The following GPC6 variants were observed in gnomAD, a reference collection of about 807,000 sequenced individuals.
GPC6 encodes glypican-6.
A neutral mutation model predicts 55.2 loss-of-function variants in GPC6; 14 were observed. The ratio of observed to expected loss-of-function variants is 0.25; its 90% CI spans 0.17 to 0.40. GPC6 has a LOEUF of 0.40. GPC6 is among the 10% of genes least tolerant of loss of function. The pLI is 1.00. For missense variants in GPC6, 641 were observed against 708.5 expected (o/e 0.90, Z 1.08); for synonymous variants, 278 against 259.6 (o/e 1.07, Z -0.68).
At chr13:94,313,880 T>C (rs896724478) in intron 6 of GPC6, among the ~76,000 whole-genome samples, 9 of 152,210 alleles carry the variant, frequency 5.9e-5, no homozygotes, top group African/African-American at 1.9e-4. Flanking sequence ...AGATTTTATA[T>C]CTATTTTATG....
At chr13:93,276,495 AGTGTGTGTGTGTGT>A (rs71675979) in intron 1 of GPC6, among the ~76,000 whole-genome samples, 15 of 94,456 alleles carry the variant, frequency 1.6e-4, no homozygotes, top group Middle Eastern at 6.1e-3. Context: ...AGAGAGAGAG[AGTGTGTGTGTGTGT>A]GTGTGTGTGT....
chr13:93,255,351 C>G (rs1411353684), intron 1 of GPC6, among the ~76,000 whole-genome samples: 1 of 152,136 alleles, frequency 6.6e-6, no homozygotes, highest in Admixed American at 6.5e-5. Context: ...TAGAACCATT[C>G]AAATTCTTCT....
chr13:93,539,593 T>C (rs1162752715), intron 1 of GPC6, among the ~76,000 whole-genome samples: 1 of 152,146 alleles, frequency 6.6e-6, no homozygotes, highest in Non-Finnish European at 1.5e-5. Flanking sequence ...TAATAAGGCA[T>C]TTCAATAAGT....
At chr13:93,416,408 T>C (rs1224246729) in intron 1 of GPC6, among the ~76,000 whole-genome samples, 1 of 152,076 alleles carries the variant, frequency 6.6e-6, no homozygotes, top group Non-Finnish European at 1.5e-5. Flanking sequence ...TGATTTTCGA[T>C]TTTTGTGAAT....
At chr13:94,067,578 T>TATAGATAGATAG (rs5805846) in intron 4 of GPC6, among the ~76,000 whole-genome samples, 38 of 147,682 alleles carry the variant, frequency 2.6e-4, no homozygotes, top group South Asian at 8.7e-4. Flanking sequence ...ATAGATAGAT[T>TATAGATAGATAG]ATAGATAGAT....
At chr13:94,010,444 T>C (rs1046707105) in intron 3 of GPC6, among the ~76,000 whole-genome samples, 1 of 152,180 alleles carries the variant, frequency 6.6e-6, no homozygotes, top group Non-Finnish European at 1.5e-5. Context: ...CTGAATTAAC[T>C]CTTTCAACTT....
chr13:93,631,849 T>C (rs1879454542), intron 2 of GPC6, among the ~76,000 whole-genome samples: 1 of 152,232 alleles, frequency 6.6e-6, no homozygotes, highest in Admixed American at 6.5e-5. Context: ...GGATTAAAGA[T>C]AGAACGAATT....
Position 93,559,398 on chromosome 13 carries a change from G to A in GPC6, c.319+13977G>A, listed in dbSNP as rs564002400. On this transcript the variant is annotated intron_variant, in intron 2 of 8. Transcript: ENST00000377047. ...TATTATACACAAATATATAGGACAA[G>A]GATCCTACTATGTATATTCTAACCA... Among the ~76,000 whole-genome samples the A allele has an allele frequency of 3.9e-3, 591 of 152,222 alleles. 7 individuals are homozygous for A. The Middle Eastern group carries it at 0.051, about 13-fold the overall frequency.
In GPC6 at chr13:93,261,949, C is replaced by A. The variant is rs546339628; in HGVS notation, c.160+34333C>A. On this transcript the variant is annotated intron_variant, in intron 1 of 8. Transcript: ENST00000377047. The stretch of plus-strand genomic sequence containing the variant: ...CTACACACACACACACACACACACA[C>A]ACACACACACACACACACTTGCATA... Among the ~76,000 whole-genome samples the A allele has an allele frequency of 6.6e-5, 10 of 151,970 alleles. No individual in the cohort carries two copies. In the East Asian group the frequency reaches 1.7e-3, roughly 26 times the overall value.
chr13:93,440,036 T>C (rs1877729080), intron 1 of GPC6, among the ~76,000 whole-genome samples: 1 of 152,224 alleles, frequency 6.6e-6, no homozygotes, highest in African/African-American at 2.4e-5. Context: ...TCTTACTTTA[T>C]CATTATTACA....
rs1877327608 is a variant in GPC6, at chr13:93,266,428, A to AATG, written c.160+38816_160+38818dup. On this transcript the variant is annotated intron_variant, in intron 1 of 8. Transcript: ENST00000377047. ...CATAGGAATCAAGAAAACTGGCAGA[A>AATG]ATGATGCTGTAAAGTTAAGAAACAT... 2.0e-5 allele frequency among the ~76,000 whole-genome samples: 3 copies of AATG among 152,312 alleles called. No individual in the cohort carries two copies. In the South Asian group the frequency reaches 6.2e-4, roughly 32 times the overall value.
intron 1 of GPC6, among the ~76,000 whole-genome samples, chr13:93,373,979 T>C (rs775631899): frequency 2.0e-5 from 3 of 152,186 alleles, no homozygotes; most frequent in Non-Finnish European, 4.4e-5. Flanking sequence ...GATTTCTATA[T>C]AAAATATAAT....
intron 2 of GPC6, among the ~76,000 whole-genome samples, chr13:93,585,524 C>T (rs1877152035): frequency 6.6e-6 from 1 of 152,180 alleles, no homozygotes; most frequent in African/African-American, 2.4e-5. Context: ...TGTTTGCCCT[C>T]TTAGAAACCT....
intron 1 of GPC6, among the ~76,000 whole-genome samples, chr13:93,268,843 C>G (rs1426217838): frequency 6.6e-6 from 1 of 152,168 alleles, no homozygotes; most frequent in Non-Finnish European, 1.5e-5. Context: ...CCAAGACCCA[C>G]TTCTATGCTC....
At chr13:94,327,294 C>T (rs1260115297) in intron 6 of GPC6, among the ~76,000 whole-genome samples, 1 of 152,100 alleles carries the variant, frequency 6.6e-6, no homozygotes, top group South Asian at 2.1e-4. Flanking sequence ...GGCTTGGAGA[C>T]TTGGAATTTC....
intron 4 of GPC6, among the ~76,000 whole-genome samples, chr13:94,132,899 G>T (rs1887050967): frequency 6.6e-6 from 1 of 152,142 alleles, no homozygotes. Context: ...ATAGTAGACA[G>T]TATACATTAG....
chr13:94,212,045 AC>A (rs890967592), intron 4 of GPC6, among the ~76,000 whole-genome samples: 15 of 152,116 alleles, frequency 9.9e-5, no homozygotes, highest in African/African-American at 3.6e-4. Context: ...CTTTATTAGC[AC>A]CCTTTTTTAT....
intron 3 of GPC6, among the ~76,000 whole-genome samples, chr13:93,887,453 T>G (rs1875409042): frequency 6.6e-6 from 1 of 152,112 alleles, no homozygotes; most frequent in Non-Finnish European, 1.5e-5. Flanking sequence ...AACACAGAGA[T>G]AACACCCACT....
At chr13:93,945,459 C>T (rs571398162) in intron 3 of GPC6, among the ~76,000 whole-genome samples, 18 of 152,190 alleles carry the variant, frequency 1.2e-4, no homozygotes, top group Non-Finnish European at 2.1e-4. Context: ...CACAGGAATG[C>T]TCCAATTGAA....
Sources: allele counts gnomAD v4.1 joint callset (sites outside exome capture counted in the v4.1 genomes callset), GRCh38; gene constraint gnomAD v4.1.1; transcripts MANE v1.5; gene names NCBI Gene and HGNC (gene_info 2026-07-23, HGNC 2026-07-21).